Variants in CAPRIN2 observed in about 807,000 individuals in gnomAD.
The protein encoded by CAPRIN2 is caprin-2.
A neutral mutation model predicts 130.4 loss-of-function variants in CAPRIN2; 66 were observed. The ratio of observed to expected loss-of-function variants is 0.51; its 90% CI spans 0.42 to 0.62. The LOEUF is 0.62. Ranked by LOEUF, CAPRIN2 falls within the 20% of genes least tolerant of loss-of-function variation. The pLI, the probability that CAPRIN2 is intolerant of heterozygous loss-of-function variation, is 0.00. For synonymous variants in CAPRIN2, 471 were observed against 444.1 expected (o/e 1.06, Z -0.76); for missense variants, 1,185 against 1,246.6 (o/e 0.95, Z 0.74).
intron 8 of CAPRIN2, among the ~76,000 whole-genome samples, chr12:30,728,021 AT>A (rs1344641606): frequency 6.6e-6 from 1 of 152,156 alleles, no homozygotes; most frequent in Non-Finnish European, 1.5e-5. Flanking sequence ...TGTGACAAGC[AT>A]TTGCATTACT....
intron 1 of CAPRIN2, 24 bp from the exon 3 acceptor site, chr12:30,751,157 A>G (rs1183907561): frequency 6.3e-7 from 1 of 1,590,730 alleles, no homozygotes; most frequent in South Asian, 1.1e-5. Flanking sequence ...ACTTGTATCT[A>G]CCATAGTCTG....
At chr12:30,751,202 G>A in intron 1 of CAPRIN2, 69 bp from the exon 3 acceptor site, 1 of 1,240,510 alleles carries the variant, frequency 8.1e-7, no homozygotes, top group South Asian at 1.2e-5. Flanking sequence ...GTAAATGCCA[G>A]ATCTTGTCTC....
At chr12:30,747,673 G>A (rs150514974) in intron 2 of CAPRIN2, among the ~76,000 whole-genome samples, 2,955 of 148,988 alleles carry the variant, frequency 0.02, 91 homozygotes, top group African/African-American at 0.063. Context: ...GCCAAACACC[G>A]TCTCAAAAAA....
chr12:30,741,653 GA>G (rs1440557101), intron 2 of CAPRIN2, among the ~76,000 whole-genome samples: 1 of 152,076 alleles, frequency 6.6e-6, no homozygotes, highest in Non-Finnish European at 1.5e-5. Context: ...TGACAGAAAA[GA>G]GGGGGGCATT....
At chr12:30,728,222 AG>A (rs2061496716) in intron 8 of CAPRIN2, among the ~76,000 whole-genome samples, 1 of 152,166 alleles carries the variant, frequency 6.6e-6, no homozygotes, top group Non-Finnish European at 1.5e-5. Flanking sequence ...CCCACTAAAG[AG>A]GGTGAAATAT....
chr12:30,710,628 C>T lies in CAPRIN2; in HGVS notation c.2666-158G>A. On this transcript the variant is annotated intron_variant, in intron 16 of 16. Coordinates refer to ENST00000298892, the Ensembl canonical transcript of CAPRIN2. The surrounding 1 kb of genome is among the most constrained non-coding windows in gnomAD (Gnocchi z 4.8). Reference sequence around the variant, plus strand: ...CTAGATTATACTTTTCTAGATTTTTCTGGTAATAGGTTTTTACATACTCTT... The same window carrying T: ...CTAGATTATACTTTTCTAGATTTTTTTGGTAATAGGTTTTTACATACTCTT... 5 of 1,152,526 alleles carry T rather than the reference C, an allele frequency of 4.3e-6. No individual in the cohort carries two copies. The highest frequency in any genetic ancestry group is 5.9e-6 in the Non-Finnish European group (5 of 840,884). The allele number at this position is 1,152,526 out of a possible 1,614,324, so 71.4% of individuals were successfully genotyped here.
chr12:30,722,456 A>G (rs1047848935), intron 11 of CAPRIN2, among the ~76,000 whole-genome samples: 7 of 152,328 alleles, frequency 4.6e-5, no homozygotes, highest in Middle Eastern at 3.4e-3. Context: ...AAGCTAGACC[A>G]GTGCTTTTCA....
exon 9 of CAPRIN2, chr12:30,725,967 T>G (rs750903532): frequency 6.3e-7 from 1 of 1,584,644 alleles, no homozygotes. Context: ...GACTCATACT[T>G]GCATAAAGTT....
chr12:30,723,138 G>C, intron 11 of CAPRIN2, 121 bp downstream of exon 12: 1 of 709,400 alleles, frequency 1.4e-6, no homozygotes, highest in South Asian at 1.7e-5. Context: ...AACTAGATAT[G>C]CTTAGAACAC....
At chr12:30,752,202 G>T (rs1450754481) in intron 1 of CAPRIN2, among the ~76,000 whole-genome samples, 1 of 152,052 alleles carries the variant, frequency 6.6e-6, no homozygotes, top group Non-Finnish European at 1.5e-5. Context: ...GATTACAGGT[G>T]TGAGCCACTG....
chr12:30,731,120 G>C (rs981239424), intron 6 of CAPRIN2, among the ~76,000 whole-genome samples: 6 of 152,034 alleles, frequency 3.9e-5, no homozygotes, highest in African/African-American at 1.4e-4. Flanking sequence ...TATTCTTTTG[G>C]GACAAAGTAC....
At chr12:30,730,813 A>T (rs1354718874) in intron 6 of CAPRIN2, among the ~76,000 whole-genome samples, 1 of 152,328 alleles carries the variant, frequency 6.6e-6, no homozygotes, top group South Asian at 2.1e-4. Flanking sequence ...CTACCTCCTG[A>T]GAAGAGGTAT....
exon 8 of CAPRIN2, chr12:30,729,137 C>T (rs149577231): frequency 6.2e-7 from 1 of 1,613,824 alleles, no homozygotes; most frequent in South Asian, 1.1e-5. Context: ...GCTTGGATAC[C>T]TCCTGGTGCT....
At chr12:30,747,677 CAAA>C (rs777165396) in intron 2 of CAPRIN2, among the ~76,000 whole-genome samples, 2 of 115,040 alleles carry the variant, frequency 1.7e-5, no homozygotes, top group Admixed American at 8.9e-5. Context: ...AACACCGTCT[CAAA>C]AAAAAAAAAA....
intron 6 of CAPRIN2, among the ~76,000 whole-genome samples, chr12:30,730,909 A>G (rs111968294): frequency 6.7e-4 from 102 of 152,312 alleles, no homozygotes; most frequent in Middle Eastern, 3.4e-3. Flanking sequence ...GATAATTTTA[A>G]AAGTATATTT....
rs1237875538 is a variant in CAPRIN2, at chr12:30,710,066, C to A, written c.3070G>T (p.Ala1024Ser). 1 of 1,614,152 alleles carries A rather than the reference C, an allele frequency of 6.2e-7. No individual in the cohort carries two copies. ...TCTGGAGCACCATCATTGGCATAGG[C>A]TGATACCAAGACCTCTTCATTCTTC... Residue 1024 changes from alanine (A) to serine (S), a missense_variant, in exon 17 of 17, where the codon GCC becomes TCC. Physicochemically the swap from Ala to Ser is moderately conservative, Grantham distance 99. Transcript: ENST00000298892. This position sits in a 1 kb window ranked among gnomAD's most constrained non-coding sequence, Gnocchi z 4.8.
chr12:30,738,988 A>G (rs2066097296), intron 3 of CAPRIN2, among the ~76,000 whole-genome samples: 1 of 152,226 alleles, frequency 6.6e-6, no homozygotes, highest in African/African-American at 2.4e-5. Context: ...TGTGGAAAGC[A>G]GTGTGGCAAT....
chr12:30,730,416 T>C, intron 6 of CAPRIN2, 134 bp from the exon 8 acceptor site: 1 of 651,628 alleles, frequency 1.5e-6, no homozygotes, highest in East Asian at 2.8e-5. Flanking sequence ...TCAAGTATAT[T>C]GATGGCAAGA....
intron 5 of CAPRIN2, 21 bp downstream of exon 6, chr12:30,733,608 T>C (rs1306317047): frequency 6.5e-7 from 1 of 1,542,344 alleles, no homozygotes; most frequent in African/African-American, 1.4e-5. Flanking sequence ...ACTGCATAAG[T>C]CCAGAGTAGA....
Sources: gnomAD v4.1 joint callset for allele counts (sites outside exome capture counted in the v4.1 genomes callset) on GRCh38, gnomAD v4.1.1 for gene constraint, Gnocchi (gnomAD v3.1) non-coding constraint, MANE v1.5 for transcripts, NCBI Gene and HGNC (gene_info 2026-07-23, HGNC 2026-07-21) for gene names.